Variants in SAMD4A observed in about 807,000 individuals in gnomAD.
SAMD4A encodes the protein protein Smaug homolog 1.
A neutral mutation model predicts 81.3 loss-of-function variants in SAMD4A; 33 were observed. The ratio of observed to expected loss-of-function variants is 0.41; its 90% confidence interval spans 0.31 to 0.54. The LOEUF is 0.54. SAMD4A is among the 20% of genes least tolerant of loss of function. SAMD4A has a pLI of 0.37. For synonymous variants in SAMD4A, 389 were observed against 382.1 expected (o/e 1.02, Z -0.21); for missense variants, 854 against 951.1 (o/e 0.90, Z 1.34).
chr14:54,748,837 C>A lies in SAMD4A; in HGVS notation c.1002C>A (p.Ser334Arg), dbSNP rs1317501984. ...CAGATGTTCCAGCCTGGCTGAAAAG[C>A]CTCCGCCTGCACAAATATGCCGCGC... Reference protein sequence around the residue: ...GMKDVPAWLKSLRLHKYAALF... With the variant: ...GMKDVPAWLKRLRLHKYAALF... Residue 334 changes from serine to arginine, a missense_variant, in exon 5 of 13, where the codon AGC becomes AGA. Physicochemically the swap from Ser to Arg is moderately radical, Grantham distance 110 (BLOSUM62 -1). Around this residue, in one of 3 missense-constraint regions of SAMD4A, gnomAD observed 39 missense variants for 74.1 expected, o/e 0.53. Transcript: ENST00000554335. 1 of 1,553,568 alleles carries A rather than the reference C, an allele frequency of 6.4e-7. No individual in the cohort carries two copies. Among genetic ancestry groups the A allele is most frequent in the Non-Finnish European group, 8.7e-7 (1 of 1,147,762 alleles).
intron 11 of SAMD4A, among the ~76,000 whole-genome samples, chr14:54,776,855 AGTGT>A (rs34095224): frequency 0.013 from 1,917 of 149,884 alleles, 37 homozygotes; most frequent in African/African-American, 0.038. Context: ...CTCCATGTGT[AGTGT>A]GTGTGTGTGT....
In SAMD4A at chr14:54,567,939, G is replaced by A. The variant is rs2032989066; in HGVS notation, c.23G>A (p.Gly8Glu). 1.2e-6 allele frequency: 2 copies of A among 1,609,484 alleles called. No individual in the cohort carries two copies. Among genetic ancestry groups the A allele is most frequent in the Non-Finnish European group, 1.7e-6 (2 of 1,179,252 alleles). Residue 8 changes from glycine (G) to glutamate (E), a missense_variant, in exon 2 of 13, where the codon GGG becomes GAG. By Grantham distance (98) the Gly-to-Glu change is moderately conservative. Transcript: ENST00000554335. MMFRDQV[G>E]VLAGWFKGWN... ...ACCATGATGTTTCGCGACCAGGTCGGGGTGCTGGCGGGCTGGTTTAAGGGC... is the reference window on the plus strand; with the variant it reads ...ACCATGATGTTTCGCGACCAGGTCGAGGTGCTGGCGGGCTGGTTTAAGGGC...
intron 2 of SAMD4A, among the ~76,000 whole-genome samples, chr14:54,698,015 A>T (rs1378530776): frequency 2.0e-5 from 3 of 152,212 alleles, no homozygotes; most frequent in Non-Finnish European, 4.4e-5. Flanking sequence ...TTTATAACCT[A>T]ATCCATAAAG....
At chr14:54,566,495 C>T (rs1485793350), upstream of SAMD4A, among the ~76,000 whole-genome samples, 1 of 151,730 alleles carries the variant, frequency 6.6e-6, no homozygotes, top group Non-Finnish European at 1.5e-5. Context: ...GCCACGAGAA[C>T]CGGGATGGGA....
intron 2 of SAMD4A, among the ~76,000 whole-genome samples, chr14:54,606,163 C>T (rs2034193710): frequency 1.3e-5 from 2 of 150,250 alleles, no homozygotes; most frequent in Non-Finnish European, 2.9e-5. Flanking sequence ...GAGCTCATTC[C>T]TCTATGTCTT....
At chr14:54,594,772 T>C (rs1451618466) in intron 2 of SAMD4A, among the ~76,000 whole-genome samples, 2 of 152,246 alleles carry the variant, frequency 1.3e-5, no homozygotes, top group Non-Finnish European at 2.9e-5. Context: ...GTCTCAGACA[T>C]ACTAACATAT....
intron 2 of SAMD4A, chr14:54,693,863 A>G (rs1053955956): frequency 6.6e-6 from 1 of 152,310 alleles, no homozygotes; most frequent in Non-Finnish European, 1.5e-5. Flanking sequence ...AAGGGAGTGT[A>G]AGGTGAGAGA....
At chr14:54,582,329 A>C (rs2033492047) in intron 2 of SAMD4A, among the ~76,000 whole-genome samples, 1 of 152,118 alleles carries the variant, frequency 6.6e-6, no homozygotes, top group Non-Finnish European at 1.5e-5. Context: ...GAGTTAAAAT[A>C]GGAGGTGCTT....
At chr14:54,718,954 G>T (rs2037191047) in intron 3 of SAMD4A, among the ~76,000 whole-genome samples, 1 of 150,020 alleles carries the variant, frequency 6.7e-6, no homozygotes, top group Admixed American at 6.7e-5. Flanking sequence ...AGTAAGCTGA[G>T]ATCATACCAT....
At chr14:54,730,095 A>G (rs1002677270) in intron 3 of SAMD4A, among the ~76,000 whole-genome samples, 5 of 152,218 alleles carry the variant, frequency 3.3e-5, no homozygotes, top group Admixed American at 6.5e-5. Flanking sequence ...TTAAAAGCTC[A>G]AATGTTTAAG....
At chr14:54,650,132 C>T (rs2035372728) in intron 2 of SAMD4A, among the ~76,000 whole-genome samples, 3 of 152,144 alleles carry the variant, frequency 2.0e-5, no homozygotes, top group Admixed American at 2.0e-4. Context: ...CCAAAGTCAA[C>T]AGAAAGAAAG....
intron 2 of SAMD4A, among the ~76,000 whole-genome samples, chr14:54,602,371 C>CAG (rs1375872056): frequency 3.0e-5 from 4 of 133,172 alleles, no homozygotes; most frequent in African/African-American, 1.2e-4. Context: ...CACACACACA[C>CAG]ACACGAAACA....
chr14:54,787,285 A>G lies in SAMD4A; in HGVS notation c.2129-1631A>G, dbSNP rs114504801. ...TCTTTAAAATCTCCCCTAAAATCAT[A>G]CAGAACTTATATACAAGTGCACTGG... is the stretch of plus-strand genomic sequence containing the variant. On this transcript the variant is annotated intron_variant, in intron 12 of 12. Transcript: ENST00000554335. 7.4e-3 allele frequency among the ~76,000 whole-genome samples: 1,127 copies of G among 152,316 alleles called. 13 individuals are homozygous for G. Among genetic ancestry groups the G allele is most frequent in the African/African-American group, 0.026 (1,072 of 41,550 alleles).
At chr14:54,714,554 G>A (rs1399887684) in intron 3 of SAMD4A, among the ~76,000 whole-genome samples, 1 of 152,164 alleles carries the variant, frequency 6.6e-6, no homozygotes, top group Non-Finnish European at 1.5e-5. Flanking sequence ...GTAAATTACA[G>A]TGCTAGGGGA....
intron 2 of SAMD4A, among the ~76,000 whole-genome samples, chr14:54,570,433 A>G (rs1408229260): frequency 6.6e-6 from 1 of 152,240 alleles, no homozygotes; most frequent in Admixed American, 6.5e-5. Flanking sequence ...CTTATTCTAG[A>G]CACAATCCTA....
At chr14:54,695,614 C>A (rs2036554539) in intron 2 of SAMD4A, among the ~76,000 whole-genome samples, 1 of 152,178 alleles carries the variant, frequency 6.6e-6, no homozygotes, top group African/African-American at 2.4e-5. Context: ...AGTCTAGGAT[C>A]AATGGAGGCC....
intron 7 of SAMD4A, among the ~76,000 whole-genome samples, chr14:54,761,463 C>T (rs2038395999): frequency 6.6e-6 from 1 of 152,130 alleles, no homozygotes; most frequent in Non-Finnish European, 1.5e-5. Flanking sequence ...CAGCCCTTAC[C>T]ACCTCCATTC....
intron 2 of SAMD4A, chr14:54,696,936 C>T (rs1315088911): frequency 6.6e-6 from 1 of 152,184 alleles, no homozygotes; most frequent in East Asian, 1.9e-4. Flanking sequence ...TCCACTGTGT[C>T]CTGAATCAGG....
chr14:54,740,366 C>T (rs1360838417), intron 4 of SAMD4A, among the ~76,000 whole-genome samples: 2 of 152,170 alleles, frequency 1.3e-5, no homozygotes, highest in Non-Finnish European at 2.9e-5. Context: ...TGCTATTATT[C>T]TAATCGTTAA....
Sources: gnomAD v4.1 joint callset for allele counts (sites outside exome capture counted in the v4.1 genomes callset) on GRCh38, gnomAD v4.1.1 for gene constraint, gnomAD v4.1.1 regional missense constraint, MANE v1.5 for transcripts, NCBI Gene and HGNC (gene_info 2026-07-23, HGNC 2026-07-21) for gene names.